FAM135B: variants seen among roughly 807,000 people sequenced by gnomAD.
FAM135B encodes the protein protein FAM135B.
FAM135B carries 43 observed loss-of-function variants against 127.7 expected under a neutral mutation model. The observed-to-expected ratio is 0.34, with a 90% CI of 0.26 to 0.43. The LOEUF is 0.43. FAM135B is among the 20% of genes least tolerant of loss of function. The probability of loss-of-function intolerance (pLI) is 1.00; values close to 1 mark genes in which losing one functional copy is unlikely to be tolerated. For missense variants in FAM135B, 1,558 were observed against 1,725.6 expected (o/e 0.90, Z 1.72); for synonymous variants, 670 against 665.1 (o/e 1.01, Z -0.11).
intron 1 of FAM135B, among the ~76,000 whole-genome samples, chr8:138,467,237 A>T (rs1837430322): frequency 6.6e-6 from 1 of 152,168 alleles, no homozygotes; most frequent in South Asian, 2.1e-4. Context: ...CACAGGGTTC[A>T]CCAGGGGATG....
chr8:138,453,696 T>C (rs936816091), intron 1 of FAM135B, among the ~76,000 whole-genome samples: 3 of 152,144 alleles, frequency 2.0e-5, no homozygotes, highest in Non-Finnish European at 4.4e-5. Context: ...AGCCCCCTTT[T>C]TAGAAATGGT....
intron 1 of FAM135B, among the ~76,000 whole-genome samples, chr8:138,383,282 C>A (rs1831977226): frequency 6.6e-6 from 1 of 152,160 alleles, no homozygotes. Flanking sequence ...TGGTTCGAAT[C>A]CCAAATGCAA....
chr8:138,276,895 G>A (rs987129209), intron 3 of FAM135B, among the ~76,000 whole-genome samples: 2 of 152,232 alleles, frequency 1.3e-5, no homozygotes, highest in Non-Finnish European at 2.9e-5. Context: ...ATGAATGATA[G>A]AGAAGGTGAG....
intron 1 of FAM135B, among the ~76,000 whole-genome samples, chr8:138,392,708 T>C (rs1832647405): frequency 6.6e-6 from 1 of 152,174 alleles, no homozygotes; most frequent in Admixed American, 6.5e-5. Flanking sequence ...AGGTACTCTT[T>C]TACTCTTTTT....
chr8:138,185,488 A>C (rs1286618113), intron 9 of FAM135B, among the ~76,000 whole-genome samples: 1 of 152,206 alleles, frequency 6.6e-6, no homozygotes, highest in Non-Finnish European at 1.5e-5. Flanking sequence ...CTCTGACAAG[A>C]GGACTGGTCA....
intron 1 of FAM135B, among the ~76,000 whole-genome samples, chr8:138,481,534 G>A (rs1025577989): frequency 6.6e-6 from 1 of 152,220 alleles, no homozygotes; most frequent in Non-Finnish European, 1.5e-5. Flanking sequence ...ACCGATGGCT[G>A]CACCATTCCC....
intron 13 of FAM135B, among the ~76,000 whole-genome samples, chr8:138,149,797 C>G (rs16908373): frequency 6.6e-6 from 1 of 152,024 alleles, no homozygotes; most frequent in Non-Finnish European, 1.5e-5. Context: ...TTTGGCTCCA[C>G]CACGCGCACA....
At chr8:138,406,079 A>G (rs1023711920) in intron 1 of FAM135B, among the ~76,000 whole-genome samples, 3 of 147,612 alleles carry the variant, frequency 2.0e-5, no homozygotes, top group Non-Finnish European at 3.0e-5. Flanking sequence ...CCTTTCTTGT[A>G]AATTTGTTTG....
chr8:138,420,808 G>T lies in FAM135B; in HGVS notation c.-19-52806C>A, dbSNP rs1226754833. On this transcript the variant is annotated intron_variant, in intron 1 of 19. Transcript: ENST00000395297. Reference sequence around the variant, plus strand: ...AATTCAACATCCCTTTATATTAAAAGCCCTAAACAAACTAGGAATTAAAGG... The same window carrying T: ...AATTCAACATCCCTTTATATTAAAATCCCTAAACAAACTAGGAATTAAAGG... Among the ~76,000 whole-genome samples the T allele has an allele frequency of 5.3e-5, 8 of 152,210 alleles. No individual in the cohort carries two copies. The East Asian group carries it at 1.5e-3, about 29-fold the overall frequency.
At chr8:138,188,944 G>T (rs1337400771) in intron 9 of FAM135B, among the ~76,000 whole-genome samples, 1 of 152,208 alleles carries the variant, frequency 6.6e-6, no homozygotes, top group Non-Finnish European at 1.5e-5. Flanking sequence ...GGGCAGAAGA[G>T]GGAAGGTCCT....
In FAM135B at chr8:138,286,794, C is replaced by A. The variant is rs146392587; in HGVS notation, c.158-20952G>T. On this transcript the variant is annotated intron_variant, in intron 3 of 19. Transcript: ENST00000395297. ...GGCACACTCAGTCAGCAGGGAGCCT[C>A]GGGAGGAGAGTCACTCATGAGGGAC... Among the ~76,000 whole-genome samples the A allele has an allele frequency of 3.7e-3, 556 of 152,228 alleles. 6 individuals carry two copies. The highest frequency in any genetic ancestry group is 0.012 in the African/African-American group (517 of 41,542).
chr8:138,322,756 C>G (rs1401169786), intron 2 of FAM135B, among the ~76,000 whole-genome samples: 1 of 152,172 alleles, frequency 6.6e-6, no homozygotes, highest in Non-Finnish European at 1.5e-5. Flanking sequence ...AGCTGTCACA[C>G]TGCTCTTCCC....
intron 6 of FAM135B, among the ~76,000 whole-genome samples, chr8:138,247,027 A>G (rs1286424039): frequency 6.6e-6 from 1 of 152,158 alleles, no homozygotes. Context: ...AACTTCTCCC[A>G]CTTGGAACAG....
At chr8:138,261,891 G>C (rs542896849) in intron 4 of FAM135B, among the ~76,000 whole-genome samples, 2 of 152,176 alleles carry the variant, frequency 1.3e-5, no homozygotes, top group Non-Finnish European at 2.9e-5. Flanking sequence ...TGGCCAACTG[G>C]CTATCAGCAG....
intron 1 of FAM135B, among the ~76,000 whole-genome samples, chr8:138,387,864 C>T (rs551687465): frequency 6.6e-6 from 1 of 152,268 alleles, no homozygotes; most frequent in East Asian, 1.9e-4. Flanking sequence ...CCATCCTCTA[C>T]CCAGAAGCTA....
At chr8:138,228,079 T>C (rs1281798611) in intron 7 of FAM135B, among the ~76,000 whole-genome samples, 1 of 152,172 alleles carries the variant, frequency 6.6e-6, no homozygotes, top group African/African-American at 2.4e-5. Flanking sequence ...TGACCCTGTC[T>C]TGGGCACTTT....
At chr8:138,282,900 T>G (rs1250844032) in intron 3 of FAM135B, among the ~76,000 whole-genome samples, 1 of 152,050 alleles carries the variant, frequency 6.6e-6, no homozygotes, top group East Asian at 1.9e-4. Context: ...TAGCAGTTTG[T>G]TTTTTGTTTG....
Position 138,152,750 on chromosome 8 carries a change from C to T in FAM135B, c.1725G>A (p.Gln575=), listed in dbSNP as rs530517509. 4.5e-5 allele frequency: 73 copies of T among 1,614,208 alleles called. No homozygotes were observed. In the South Asian group the frequency reaches 7.9e-4, roughly 17 times the overall value. ...RAEPLVAFNA[Q]HESRSSRDKY... is the part of the protein sequence containing the mutation. ...TATCTCTAGAGCTCCTACTCTCATG[C>T]TGAGCATTGAAGGCCACCAGGGGTT... is the stretch of plus-strand genomic sequence containing the variant. The change falls in exon 13 of 20, where the codon CAG becomes CAA. Residue 575 remains glutamine, a synonymous_variant. Coordinates refer to ENST00000395297, the MANE Select transcript of FAM135B (RefSeq NM_015912.4).
chr8:138,407,344 A>T (rs1355835805), intron 1 of FAM135B, among the ~76,000 whole-genome samples: 3 of 152,180 alleles, frequency 2.0e-5, no homozygotes, highest in Non-Finnish European at 2.9e-5. Flanking sequence ...AAGGTAATTT[A>T]TAGGTTCAAT....
Sources: allele counts gnomAD v4.1 joint callset (sites outside exome capture counted in the v4.1 genomes callset), GRCh38; gene constraint gnomAD v4.1.1; transcripts MANE v1.5; gene names NCBI Gene and HGNC (gene_info 2026-07-23, HGNC 2026-07-21).